The following KDM6A variants were observed in gnomAD, a reference collection of about 807,000 sequenced individuals.
KDM6A encodes the protein lysine-specific demethylase 6A.
In KDM6A, 11 loss-of-function variants were observed where a neutral mutation model predicts 117.6. The ratio of observed to expected loss-of-function variants is 0.09; its 90% CI spans 0.06 to 0.15. The LOEUF (loss-of-function observed/expected upper bound fraction) is 0.15, where lower values mean the gene tolerates loss of function less well. KDM6A is among the 10% of genes least tolerant of loss of function. The probability of loss-of-function intolerance (pLI) is 1.00; values close to 1 mark genes in which losing one functional copy is unlikely to be tolerated. For synonymous variants in KDM6A, 384 were observed against 396.1 expected (o/e 0.97, Z 0.36); for missense variants, 799 against 1,077.3 (o/e 0.74, Z 3.62).
chrX:44,939,067 A>T (rs2037143254), intron 2 of KDM6A, among the ~76,000 whole-genome samples: 1 of 112,652 alleles, frequency 8.9e-6, no homozygotes, highest in Non-Finnish European at 1.9e-5. Context: ...CATGCCTGCT[A>T]ACACAACATC....
At chrX:45,093,170 G>A (rs754797017) in intron 27 of KDM6A, among the ~76,000 whole-genome samples, 1 of 109,696 alleles carries the variant, frequency 9.1e-6, no homozygotes, top group South Asian at 4.0e-4. Flanking sequence ...ATCACTTGAG[G>A]TCAGGAGTTT....
At chrX:45,097,008 C>T (rs2046136923) in intron 27 of KDM6A, among the ~76,000 whole-genome samples, 1 of 111,925 alleles carries the variant, frequency 8.9e-6, no homozygotes, top group Non-Finnish European at 1.9e-5. Context: ...TATATATACA[C>T]CATGGATTAC....
chrX:45,078,519 T>C lies in KDM6A; in HGVS notation c.3094+14T>C. 1 of 1,173,204 alleles carries C rather than the reference T, an allele frequency of 8.5e-7. No homozygotes were observed. Among genetic ancestry groups the C allele is most frequent in the East Asian group, 3.0e-5 (1 of 33,445 alleles). On this transcript the variant is annotated intron_variant, in intron 20 of 29. Coordinates refer to ENST00000611820, the MANE Select transcript of KDM6A (RefSeq NM_001291415.2). ...CTCTTAAGTTAGGTAAGCCTTAAAT[T>C]AAAAAAGGAAAACGTTTGTCTCTTT... is the stretch of plus-strand genomic sequence containing the variant.
chrX:44,933,260 A>ATTTTTTTTT (rs56098621), intron 2 of KDM6A, among the ~76,000 whole-genome samples: 1 of 36,541 alleles, frequency 2.7e-5, no homozygotes, highest in Non-Finnish European at 4.5e-5. Flanking sequence ...GTTTATGTTG[A>ATTTTTTTTT]TTTTTTTTTT....
chrX:45,050,397 TC>T (rs2043785602), intron 8 of KDM6A, among the ~76,000 whole-genome samples: 1 of 112,149 alleles, frequency 8.9e-6, no homozygotes, highest in African/African-American at 3.2e-5. Context: ...TTTCAAATCT[TC>T]CTTATGTTAG....
At chrX:44,955,475 G>T (rs1208410007) in intron 2 of KDM6A, among the ~76,000 whole-genome samples, 1 of 110,365 alleles carries the variant, frequency 9.1e-6, no homozygotes, top group Non-Finnish European at 1.9e-5. Flanking sequence ...TTATCCACAG[G>T]TATTATCTAG....
Position 45,059,038 on chromosome X carries a change from C to G in KDM6A, c.908C>G (p.Ala303Gly), listed in dbSNP as rs2044199885. The change falls in exon 11 of 30, where the codon GCC becomes GGC. Residue 303 changes from alanine to glycine, a missense_variant. Around this residue, in one of 8 missense-constraint regions of KDM6A, gnomAD observed 10 missense variants for 47.7 expected, o/e 0.21. Transcript: ENST00000611820. ...TCAAGTATTGGGAAAGTTCAGGATG[C>G]CTTTATATCTTACAGGCAGTCTATT... ...CYSSIGKVQD[A>G]FISYRQSIDK... 8.3e-7 allele frequency: 1 copy of G among 1,206,783 alleles called. No individual in the cohort carries two copies. The highest frequency in any genetic ancestry group is 1.1e-6 in the Non-Finnish European group (1 of 893,736).
chrX:45,110,844 AAC>A (rs1280272573), intron 29 of KDM6A, among the ~76,000 whole-genome samples: 2 of 111,855 alleles, frequency 1.8e-5, no homozygotes, highest in Non-Finnish European at 3.8e-5. Context: ...TATGAATAGA[AAC>A]ACAGAGATAA....
At chrX:44,940,865 GTC>G (rs778427887) in intron 2 of KDM6A, among the ~76,000 whole-genome samples, 14 of 110,898 alleles carry the variant, frequency 1.3e-4, no homozygotes, top group Middle Eastern at 4.6e-3. Context: ...GAGAAACCCC[GTC>G]TCTACTAAAA....
intron 14 of KDM6A, 107 bp downstream of exon 14, chrX:45,060,871 A>G (rs1356722063): frequency 4.3e-6 from 2 of 461,134 alleles, no homozygotes; most frequent in African/African-American, 5.0e-5. Flanking sequence ...ATTTGTGGAC[A>G]TCAAAGAGTG....
intron 28 of KDM6A, among the ~76,000 whole-genome samples, chrX:45,109,121 TAAA>T (rs1404250760): frequency 7.5e-5 from 7 of 93,045 alleles, no homozygotes; most frequent in African/African-American, 2.7e-4. Flanking sequence ...AAGTATAATT[TAAA>T]AAAATAATAA....
At chrX:45,001,143 G>A (rs1053241709) in intron 4 of KDM6A, among the ~76,000 whole-genome samples, 6 of 111,847 alleles carry the variant, frequency 5.4e-5, no homozygotes, top group African/African-American at 2.0e-4. Flanking sequence ...GCAGGCAGTA[G>A]GGGATCAAAG....
At chrX:45,108,116 C>A (rs1174802572) in intron 28 of KDM6A, among the ~76,000 whole-genome samples, 1 of 111,386 alleles carries the variant, frequency 9.0e-6, no homozygotes, top group Non-Finnish European at 1.9e-5. Flanking sequence ...ATTTTTTCTT[C>A]TAGTATTGGC....
chrX:44,999,641 G>A (rs2147479051), intron 4 of KDM6A, among the ~76,000 whole-genome samples: 1 of 112,074 alleles, frequency 8.9e-6, no homozygotes, highest in Admixed American at 9.4e-5. Context: ...AAGAAATTTA[G>A]AACTCATATC....
intron 2 of KDM6A, among the ~76,000 whole-genome samples, chrX:44,891,178 T>A (rs1466127167): frequency 9.0e-6 from 1 of 111,697 alleles, no homozygotes; most frequent in Non-Finnish European, 1.9e-5. Flanking sequence ...TTTAATTTAT[T>A]GTCCAATGTA....
At chrX:45,107,617 CT>C in intron 28 of KDM6A, 81 bp downstream of exon 28, 1 of 962,186 alleles carries the variant, frequency 1.0e-6, no homozygotes, top group East Asian at 3.3e-5. Flanking sequence ...TTTTAAAAAA[CT>C]TTTTTATACT....
At chrX:44,982,499 T>C (rs955951187) in intron 4 of KDM6A, among the ~76,000 whole-genome samples, 1 of 111,893 alleles carries the variant, frequency 8.9e-6, no homozygotes, top group Non-Finnish European at 1.9e-5. Context: ...TAGTATTAGG[T>C]TGGCGCAAAA....
intron 2 of KDM6A, among the ~76,000 whole-genome samples, chrX:44,901,862 G>A (rs2034370227): frequency 8.9e-6 from 1 of 112,065 alleles, no homozygotes; most frequent in African/African-American, 3.2e-5. Context: ...CATCCTTTTA[G>A]TTTCAACCTA....
intron 8 of KDM6A, among the ~76,000 whole-genome samples, chrX:45,048,956 T>A (rs767195294): frequency 1.2e-4 from 13 of 111,004 alleles, no homozygotes; most frequent in Admixed American, 6.7e-4. Context: ...ATTTTGCTTC[T>A]ACTTGTCTAG....
Sources: gnomAD v4.1 joint callset for allele counts (sites outside exome capture counted in the v4.1 genomes callset) on GRCh38, gnomAD v4.1.1 for gene constraint, gnomAD v4.1.1 regional missense constraint, MANE v1.5 for transcripts, NCBI Gene and HGNC (gene_info 2026-07-23, HGNC 2026-07-21) for gene names.